Variants in GALNTL6 observed in about 807,000 individuals in gnomAD.
GALNTL6 encodes the protein polypeptide N-acetylgalactosaminyltransferase-like 6.
GALNTL6 carries 46 observed loss-of-function variants against 73.7 expected under a neutral mutation model. The ratio of observed to expected loss-of-function variants is 0.62; its 90% CI spans 0.49 to 0.80. GALNTL6 has a LOEUF of 0.80. Among genes scored for constraint, GALNTL6 ranks in the 30% least tolerant of loss-of-function variants. The pLI, the probability that GALNTL6 is intolerant of heterozygous loss-of-function variation, is 0.00. For synonymous variants in GALNTL6, 259 were observed against 263.7 expected (o/e 0.98, Z 0.17); for missense variants, 604 against 755.0 (o/e 0.80, Z 2.34).
intron 2 of GALNTL6, among the ~76,000 whole-genome samples, chr4:171,930,612 A>G (rs1261716198): frequency 1.3e-5 from 2 of 152,132 alleles, no homozygotes; most frequent in Non-Finnish European, 2.9e-5. Flanking sequence ...AGGTGGGCAG[A>G]TCACCTGAGG....
At chr4:171,936,207 T>G (rs1738340945) in intron 2 of GALNTL6, among the ~76,000 whole-genome samples, 1 of 152,124 alleles carries the variant, frequency 6.6e-6, no homozygotes, top group Admixed American at 6.6e-5. Context: ...AAACTATCAT[T>G]TAATAGAAGT....
At chr4:171,959,888 T>TGGG in intron 2 of GALNTL6, among the ~76,000 whole-genome samples, 1 of 152,236 alleles carries the variant, frequency 6.6e-6, no homozygotes, top group African/African-American at 2.4e-5. Context: ...AAGGCCATTT[T>TGGG]AGAAGACCTT....
In GALNTL6 at chr4:172,628,588, G is replaced by A. The variant is rs837194; in HGVS notation, c.554-180773G>A. On this transcript the variant is annotated intron_variant, in intron 5 of 12. Transcript: ENST00000506823. ...AAAAACTTCATTCCTTGCCCTGGCC[G>A]TTTCTTTAACCAAACTTCAGCTTCT... Among the ~76,000 whole-genome samples, 1,208 of 151,922 alleles carry A rather than the reference G, an allele frequency of 8.0e-3. 16 individuals carry two copies. The highest frequency in any genetic ancestry group is 0.027 in the African/African-American group (1,139 of 41,442).
intron 2 of GALNTL6, among the ~76,000 whole-genome samples, chr4:171,849,883 G>C (rs1000847439): frequency 1.3e-5 from 2 of 152,196 alleles, no homozygotes; most frequent in Non-Finnish European, 2.9e-5. Context: ...TATGAGACAA[G>C]CTATGAATAT....
At chr4:172,690,113 A>G (rs1469289783) in intron 5 of GALNTL6, among the ~76,000 whole-genome samples, 1 of 152,212 alleles carries the variant, frequency 6.6e-6, no homozygotes, top group Non-Finnish European at 1.5e-5. Context: ...GAAAAATTGT[A>G]ATAAAAATCA....
intron 5 of GALNTL6, among the ~76,000 whole-genome samples, chr4:172,543,758 G>A (rs1561130337): frequency 6.6e-6 from 1 of 152,126 alleles, no homozygotes; most frequent in Non-Finnish European, 1.5e-5. Context: ...TGCCAATACT[G>A]GAAATGCAGA....
chr4:172,089,275 T>G (rs921462912), intron 2 of GALNTL6, among the ~76,000 whole-genome samples: 1 of 152,116 alleles, frequency 6.6e-6, no homozygotes, highest in Non-Finnish European at 1.5e-5. Flanking sequence ...TATAAACTAG[T>G]TTTTCAAGTC....
At chr4:172,804,285 T>C (rs931127115) in intron 5 of GALNTL6, among the ~76,000 whole-genome samples, 3 of 152,246 alleles carry the variant, frequency 2.0e-5, no homozygotes, top group Admixed American at 6.5e-5. Flanking sequence ...ATTTTAGATA[T>C]GTTTGTTTCT....
intron 8 of GALNTL6, among the ~76,000 whole-genome samples, chr4:172,914,304 G>T (rs904711748): frequency 1.6e-4 from 25 of 152,318 alleles, no homozygotes; most frequent in Admixed American, 5.9e-4. Flanking sequence ...ATGCCAAATT[G>T]TAAAGACCAT....
At chr4:172,256,530 G>T (rs893446430) in intron 3 of GALNTL6, among the ~76,000 whole-genome samples, 2 of 151,474 alleles carry the variant, frequency 1.3e-5, no homozygotes, top group East Asian at 3.9e-4. Context: ...ATCTGACCTT[G>T]CAATTTCTCT....
At chr4:172,073,491 C>T (rs1328857933) in intron 2 of GALNTL6, among the ~76,000 whole-genome samples, 1 of 152,034 alleles carries the variant, frequency 6.6e-6, no homozygotes, top group African/African-American at 2.4e-5. Context: ...GAGTAGGGTG[C>T]CTTCTGGAGA....
At chr4:172,307,122 C>A (rs1012391670) in intron 3 of GALNTL6, among the ~76,000 whole-genome samples, 1 of 152,150 alleles carries the variant, frequency 6.6e-6, no homozygotes, top group Admixed American at 6.6e-5. Context: ...ACACCAACAT[C>A]CACTATTTTT....
intron 5 of GALNTL6, among the ~76,000 whole-genome samples, chr4:172,497,570 C>T (rs998665715): frequency 2.0e-5 from 3 of 152,174 alleles, no homozygotes; most frequent in African/African-American, 7.2e-5. Flanking sequence ...AAGTGTCAGT[C>T]TTATTATTAG....
At chr4:172,242,379 A>G (rs903498107) in intron 3 of GALNTL6, among the ~76,000 whole-genome samples, 2 of 152,052 alleles carry the variant, frequency 1.3e-5, no homozygotes, top group African/African-American at 4.8e-5. Context: ...TATCACTGAT[A>G]TGTTTTCTAG....
chr4:172,813,946 T>C (rs974336782), intron 7 of GALNTL6, among the ~76,000 whole-genome samples: 11 of 152,178 alleles, frequency 7.2e-5, no homozygotes, highest in Admixed American at 4.6e-4. Context: ...AGCATGAAAC[T>C]GTACAGATGA....
rs183266605 is a variant in GALNTL6, at chr4:171,917,208, G to A, written c.138+102490G>A. Among the ~76,000 whole-genome samples the A allele has an allele frequency of 1.7e-3, 252 of 151,896 alleles. 1 individual carries two copies. Among genetic ancestry groups the A allele is most frequent in the African/African-American group, 5.8e-3 (239 of 41,474 alleles). ...AGATATTAAAAGAGTGGGCATATAT[G>A]TTTCACCCTTATTCCAGACATATCT... On this transcript the variant is annotated intron_variant, in intron 2 of 12. Coordinates refer to ENST00000506823, the MANE Select transcript of GALNTL6 (RefSeq NM_001034845.3).
intron 5 of GALNTL6, among the ~76,000 whole-genome samples, chr4:172,563,410 G>A (rs1463150958): frequency 6.6e-6 from 1 of 152,146 alleles, no homozygotes; most frequent in East Asian, 1.9e-4. Context: ...CCTCATGCAA[G>A]CATTAAGAGA....
chr4:172,793,418 G>A (rs1206175325), intron 5 of GALNTL6, among the ~76,000 whole-genome samples: 1 of 152,126 alleles, frequency 6.6e-6, no homozygotes, highest in East Asian at 1.9e-4. Flanking sequence ...GGGCTTGTCT[G>A]TCCGAAGACA....
At chr4:172,341,237 G>A (rs1184300745) in intron 4 of GALNTL6, among the ~76,000 whole-genome samples, 3 of 151,650 alleles carry the variant, frequency 2.0e-5, no homozygotes, top group Non-Finnish European at 4.4e-5. Context: ...GGATCACGAG[G>A]TCAGGAGATC....
Sources: allele counts gnomAD v4.1 joint callset (sites outside exome capture counted in the v4.1 genomes callset), GRCh38; gene constraint gnomAD v4.1.1; transcripts MANE v1.5; gene names NCBI Gene and HGNC (gene_info 2026-07-23, HGNC 2026-07-21).